The following CDKAL1 variants were observed in gnomAD, a reference collection of about 807,000 sequenced individuals.
CDKAL1 encodes CDKAL1 threonylcarbamoyladenosine tRNA methylthiotransferase.
Under a neutral mutation model 68.2 loss-of-function variants are expected in CDKAL1, and 32 were observed. The ratio of observed to expected loss-of-function variants is 0.47; its 90% CI spans 0.35 to 0.63. The LOEUF (loss-of-function observed/expected upper bound fraction) is 0.63, where lower values mean the gene tolerates loss of function less well. CDKAL1 is among the 30% of genes least tolerant of loss of function. The pLI is 0.00. For missense variants in CDKAL1, 606 were observed against 696.7 expected (o/e 0.87, Z 1.47); for synonymous variants, 234 against 244.3 (o/e 0.96, Z 0.39).
chr6:20,686,489 C>CTTGT (rs1770630228), intron 5 of CDKAL1, among the ~76,000 whole-genome samples: 1 of 152,200 alleles, frequency 6.6e-6, no homozygotes, highest in East Asian at 1.9e-4. Context: ...CCATCACCCC[C>CTTGT]AGATGGGACC....
At chr6:21,119,036 C>T (rs548124276) in intron 13 of CDKAL1, among the ~76,000 whole-genome samples, 2 of 152,126 alleles carry the variant, frequency 1.3e-5, no homozygotes, top group Admixed American at 6.6e-5. Flanking sequence ...ACTTTCATTT[C>T]TAACTTAAAA....
intron 11 of CDKAL1, among the ~76,000 whole-genome samples, chr6:21,032,416 G>T (rs537845139): frequency 6.6e-6 from 1 of 151,994 alleles, no homozygotes; most frequent in Non-Finnish European, 1.5e-5. Context: ...TCAAAACAGC[G>T]GAACTCTGTC....
intron 13 of CDKAL1, among the ~76,000 whole-genome samples, chr6:21,168,887 C>T (rs188932768): frequency 5.5e-4 from 83 of 152,240 alleles, no homozygotes; most frequent in African/African-American, 1.9e-3. Context: ...CTCTCCTCTT[C>T]TTTATAAATA....
chr6:20,567,564 CTT>C (rs1327439329), intron 4 of CDKAL1, among the ~76,000 whole-genome samples: 1 of 152,014 alleles, frequency 6.6e-6, no homozygotes, highest in Non-Finnish European at 1.5e-5. Context: ...TGGATAGCCT[CTT>C]TTGGTAGCCA....
At chr6:21,113,629 G>A (rs1582223986) in intron 13 of CDKAL1, among the ~76,000 whole-genome samples, 1 of 151,622 alleles carries the variant, frequency 6.6e-6, no homozygotes, top group East Asian at 2.0e-4. Context: ...CAGCCTACCC[G>A]GCTAACTTTT....
intron 4 of CDKAL1, among the ~76,000 whole-genome samples, chr6:20,622,346 A>G (rs1418000295): frequency 6.6e-6 from 1 of 152,090 alleles, no homozygotes. Flanking sequence ...TCTTACTTGT[A>G]TGTTTGAAAA....
intron 4 of CDKAL1, among the ~76,000 whole-genome samples, chr6:20,616,732 A>T (rs984222935): frequency 1.3e-5 from 2 of 151,922 alleles, no homozygotes; most frequent in African/African-American, 4.8e-5. Context: ...GGCCAGGAGC[A>T]GTGGCTCATG....
intron 8 of CDKAL1, among the ~76,000 whole-genome samples, chr6:20,837,909 A>G: frequency 6.7e-6 from 1 of 148,992 alleles, no homozygotes; most frequent in African/African-American, 2.5e-5. Context: ...AGACATAGAG[A>G]ACAGTTAGGG....
chr6:21,202,837 C>A (rs1778745525), intron 15 of CDKAL1, among the ~76,000 whole-genome samples: 1 of 152,160 alleles, frequency 6.6e-6, no homozygotes, highest in African/African-American at 2.4e-5. Flanking sequence ...CTCTCCCATC[C>A]TTTCCTCTAG....
intron 13 of CDKAL1, among the ~76,000 whole-genome samples, chr6:21,129,616 TC>T (rs1334369633): frequency 2.1e-5 from 3 of 139,916 alleles, no homozygotes; most frequent in African/African-American, 8.2e-5. Flanking sequence ...GTTGATGTGT[TC>T]CAGCCATCCA....
At chr6:20,555,657 C>CT (rs1764009003) in intron 4 of CDKAL1, among the ~76,000 whole-genome samples, 1 of 130,124 alleles carries the variant, frequency 7.7e-6, no homozygotes. Flanking sequence ...GAGTCCTGCT[C>CT]TTTTGCCCAG....
chr6:20,595,995 C>T (rs1003068882), intron 4 of CDKAL1, among the ~76,000 whole-genome samples: 7 of 152,176 alleles, frequency 4.6e-5, no homozygotes, highest in African/African-American at 1.7e-4. Flanking sequence ...TGGGTATGAC[C>T]AGCAGAGGCT....
At chr6:20,599,671 T>C (rs1180047494) in intron 4 of CDKAL1, among the ~76,000 whole-genome samples, 1 of 152,172 alleles carries the variant, frequency 6.6e-6, no homozygotes, top group Admixed American at 6.6e-5. Context: ...TGGTAGGCAG[T>C]GTTCTCAGGA....
intron 5 of CDKAL1, among the ~76,000 whole-genome samples, chr6:20,727,617 C>T (rs1772715093): frequency 6.6e-6 from 1 of 152,140 alleles, no homozygotes; most frequent in Non-Finnish European, 1.5e-5. Flanking sequence ...GAGTAGTTCT[C>T]TTCCTGATAC....
intron 13 of CDKAL1, among the ~76,000 whole-genome samples, chr6:21,145,207 G>T (rs997347951): frequency 1.3e-5 from 2 of 152,122 alleles, no homozygotes; most frequent in South Asian, 4.1e-4. Flanking sequence ...AAAGTGTGCA[G>T]ATTTTCATGT....
At chr6:20,855,851 C>T (rs75353597) in intron 9 of CDKAL1, among the ~76,000 whole-genome samples, 7,609 of 152,154 alleles carry the variant, frequency 0.05, 569 homozygotes, top group African/African-American at 0.16. Flanking sequence ...ATTCAGAAAG[C>T]GATATGTGGA....
intron 15 of CDKAL1, among the ~76,000 whole-genome samples, chr6:21,227,334 AACT>A (rs764745213): frequency 1.3e-5 from 2 of 152,136 alleles, no homozygotes; most frequent in African/African-American, 4.8e-5. Flanking sequence ...CATATTTCTA[AACT>A]ACTTTTTCTT....
chr6:20,952,777 T>G (rs1764596608), intron 9 of CDKAL1, among the ~76,000 whole-genome samples: 1 of 152,252 alleles, frequency 6.6e-6, no homozygotes, highest in Admixed American at 6.5e-5. Flanking sequence ...TATGCAAGCG[T>G]GGCCTGGCAG....
At chr6:20,825,528 G>A (rs1777467355) in intron 8 of CDKAL1, among the ~76,000 whole-genome samples, 1 of 152,048 alleles carries the variant, frequency 6.6e-6, no homozygotes, top group African/African-American at 2.4e-5. Context: ...AGAAACTTTT[G>A]TAGGGTTTGG....
Sources: allele counts gnomAD v4.1 joint callset (sites outside exome capture counted in the v4.1 genomes callset), GRCh38; gene constraint gnomAD v4.1.1; transcripts MANE v1.5; gene names NCBI Gene and HGNC (gene_info 2026-07-23, HGNC 2026-07-21).